UMODL1: variants seen among roughly 807,000 people sequenced by gnomAD.
UMODL1 encodes uromodulin-like 1.
In UMODL1, 128 loss-of-function variants were observed where a neutral mutation model predicts 136.3. The observed-to-expected ratio is 0.94, with a 90% CI of 0.81 to 1.09. UMODL1 has a LOEUF of 1.09. UMODL1 is among the 50% of genes least tolerant of loss of function. The pLI is 0.00. For synonymous variants in UMODL1, 721 were observed against 720.0 expected (o/e 1.00, Z -0.02); for missense variants, 1,766 against 1,725.6 (o/e 1.02, Z -0.41).
At chr21:42,098,577 G>T (rs966889079) in intron 6 of UMODL1, among the ~76,000 whole-genome samples, 1 of 151,930 alleles carries the variant, frequency 6.6e-6, no homozygotes, top group Admixed American at 6.6e-5. Flanking sequence ...GACCATCCTG[G>T]CCAACATGGT....
At chr21:42,106,127 G>A (rs1475126452) in intron 9 of UMODL1, among the ~76,000 whole-genome samples, 1 of 152,144 alleles carries the variant, frequency 6.6e-6, no homozygotes, top group Admixed American at 6.5e-5. Flanking sequence ...CCGGGGAGGC[G>A]GCCCTGCCTC....
intron 9 of UMODL1, among the ~76,000 whole-genome samples, chr21:42,107,556 G>A (rs1211764414): frequency 6.6e-6 from 1 of 152,212 alleles, no homozygotes; most frequent in Non-Finnish European, 1.5e-5. Context: ...CCTTTCCTTA[G>A]GTTCACGGGT....
At chr21:42,107,415 C>T (rs937527997) in intron 9 of UMODL1, among the ~76,000 whole-genome samples, 3 of 152,166 alleles carry the variant, frequency 2.0e-5, no homozygotes, top group South Asian at 2.1e-4. Context: ...TGCTCCCACC[C>T]GCCTCGCCAC....
At chr21:42,129,665 T>G (rs766257811) in intron 20 of UMODL1, 48 bp from the exon 21 acceptor site, 1 of 1,495,018 alleles carries the variant, frequency 6.7e-7, no homozygotes, top group South Asian at 1.3e-5. Context: ...TTCTCATAAA[T>G]GTTGTTCAAT....
rs1000760913 is a variant in UMODL1 at position 42,075,916 on chromosome 21, T to G, written c.77-89T>G. The G allele has an allele frequency of 5.1e-6, 8 of 1,560,878 alleles. No individual in the cohort carries two copies. The African/African-American group carries it at 1.1e-4, about 21-fold the overall frequency. On this transcript the variant is annotated intron_variant, in intron 1 of 22. Transcript: ENST00000408910. ...CGAGTGCGGGAGGTGTGCTCTCACT[T>G]GCTATTGCAGAGGGACGCCTTGCGG...
chr21:42,102,094 T>C, intron 7 of UMODL1, 72 bp from the exon 8 acceptor site: 2 of 1,201,562 alleles, frequency 1.7e-6, no homozygotes, highest in Non-Finnish European at 2.4e-6. Context: ...AAGAGTAGGC[T>C]TCATGGAAAA....
At position 42,109,666 on chromosome 21, in the gene UMODL1, G is replaced by A. The variant is rs201642313; in HGVS notation, c.1624G>A (p.Ala542Thr). The A allele has an allele frequency of 2.5e-4, 399 of 1,606,988 alleles. No individual in the cohort carries two copies. In the African/African-American group the frequency reaches 4.5e-3, roughly 18 times the overall value. Residue 542 changes from alanine (A) to threonine (T), a missense_variant, in exon 10 of 23, where the codon GCC becomes ACC. Coordinates refer to ENST00000408910, the MANE Select transcript of UMODL1 (RefSeq NM_001004416.3). ...YTCQCRTTRD[A>T]TPSRAGRACE... ...CTGCCAGTGCCGTACCACCAGGGACGCCACCCCCTCCCGCGCAGGCCGGGC... is the reference window on the plus strand; with the variant it reads ...CTGCCAGTGCCGTACCACCAGGGACACCACCCCCTCCCGCGCAGGCCGGGC...
chr21:42,108,699 CA>C (rs2066760426), intron 9 of UMODL1, among the ~76,000 whole-genome samples: 1 of 152,230 alleles, frequency 6.6e-6, no homozygotes, highest in Non-Finnish European at 1.5e-5. Context: ...TCGGCTCAGC[CA>C]CCCCATGGGA....
At chr21:42,087,754 A>G (rs1441854095) in intron 4 of UMODL1, among the ~76,000 whole-genome samples, 3 of 152,166 alleles carry the variant, frequency 2.0e-5, no homozygotes, top group South Asian at 2.1e-4. Flanking sequence ...GGGGGCTTCA[A>G]ACAACAGAAA....
At chr21:42,120,623 T>C (rs1431767084) in intron 15 of UMODL1, 1 of 153,416 alleles carries the variant, frequency 6.5e-6, no homozygotes, top group Admixed American at 6.5e-5. Flanking sequence ...AACTTGCCCC[T>C]GGCCACGCTT....
At chr21:42,109,177 CT>C (rs2066779031) in intron 9 of UMODL1, among the ~76,000 whole-genome samples, 1 of 152,106 alleles carries the variant, frequency 6.6e-6, no homozygotes, top group South Asian at 2.1e-4. Context: ...GTCCCCACCC[CT>C]GGCTCAGTTA....
Position 42,088,442 on chromosome 21 carries a change from C to A in UMODL1, c.752C>A (p.Ala251Glu), listed in dbSNP as rs201359937. 1.2e-6 allele frequency: 2 copies of A among 1,613,224 alleles called. No homozygotes were observed. The highest frequency in any genetic ancestry group is 1.1e-5 in the South Asian group (1 of 91,036). ...ADVSTLLGDIAKRVYEVISVQ... is the reference protein window; with the variant it reads ...ADVSTLLGDIEKRVYEVISVQ... ...GTCTCCACCCTGCTGGGTGACATTG[C>A]GAAGCGTGTCTATGAAGTGATCAGC... is the stretch of plus-strand genomic sequence containing the variant. The change falls in exon 5 of 23, where the codon GCG becomes GAG. Residue 251 changes from alanine (A) to glutamate (E), a missense_variant. Coordinates refer to ENST00000408910, the MANE Select transcript of UMODL1 (RefSeq NM_001004416.3).
At chr21:42,125,895 A>G (rs2067046985) in intron 17 of UMODL1, among the ~76,000 whole-genome samples, 2 of 152,190 alleles carry the variant, frequency 1.3e-5, no homozygotes, top group African/African-American at 2.4e-5. Flanking sequence ...GGCCCTGGGC[A>G]GAGCCTGCAG....
At position 42,109,700 on chromosome 21, in the gene UMODL1, G is replaced by T; in HGVS notation, c.1657+1G>T. 1.2e-6 allele frequency: 2 copies of T among 1,601,216 alleles called. No homozygotes were observed. The highest frequency in any genetic ancestry group is 1.7e-6 in the Non-Finnish European group (2 of 1,179,812). Reference sequence around the variant, plus strand: ...TCCCGCGCAGGCCGGGCCTGTGAGGGTACGTGTCGACCCCCCTGCCGACTC... The same window carrying T: ...TCCCGCGCAGGCCGGGCCTGTGAGGTTACGTGTCGACCCCCCTGCCGACTC... On this transcript the variant is annotated splice_donor_variant, in intron 10 of 22. Transcript: ENST00000408910. LOFTEE classifies it high-confidence loss of function.
Position 42,076,248 on chromosome 21 carries a change from G to C in UMODL1, c.319+1G>C. The C allele has an allele frequency of 6.2e-7, 1 of 1,614,096 alleles. No homozygotes were observed. The highest frequency in any genetic ancestry group is 8.5e-7 in the Non-Finnish European group (1 of 1,179,940). On this transcript the variant is annotated splice_donor_variant, in intron 2 of 22. Transcript: ENST00000408910. LOFTEE classifies it high-confidence loss of function. The stretch of plus-strand genomic sequence containing the variant: ...CAGCTCGGCCTCTACTGTGTCTTGC[G>C]TGAGTCCAGGGCTGCTGGGCTGGGG...
chr21:42,080,514 C>T (rs62215118), intron 2 of UMODL1, among the ~76,000 whole-genome samples: 5 of 152,086 alleles, frequency 3.3e-5, no homozygotes, highest in South Asian at 2.1e-4. Flanking sequence ...AAAAAGGGAA[C>T]GGAAGCATGG....
intron 5 of UMODL1, among the ~76,000 whole-genome samples, chr21:42,089,290 C>A (rs868806916): frequency 6.6e-6 from 1 of 152,218 alleles, no homozygotes; most frequent in Non-Finnish European, 1.5e-5. Flanking sequence ...TGAGGAGGCA[C>A]GTGACAATGC....
intron 20 of UMODL1, chr21:42,128,289 C>T: frequency 3.5e-6 from 1 of 286,066 alleles, no homozygotes; most frequent in South Asian, 3.1e-5. Flanking sequence ...ATTTTACATT[C>T]CTGTTTTCCT....
chr21:42,103,809 C>A, intron 8 of UMODL1, 59 bp from the exon 9 acceptor site: 3 of 1,596,404 alleles, frequency 1.9e-6, no homozygotes, highest in East Asian at 2.2e-5. Context: ...ACACCTGGAA[C>A]CCTGCTTAAT....
Sources: allele counts gnomAD v4.1 joint callset (sites outside exome capture counted in the v4.1 genomes callset), GRCh38; gene constraint gnomAD v4.1.1; transcripts MANE v1.5; gene names NCBI Gene and HGNC (gene_info 2026-07-23, HGNC 2026-07-21).